Variants in HDAC9 observed in about 807,000 individuals in gnomAD.
The protein encoded by HDAC9 is MEF-2 interacting transcription repressor (MITR) protein.
A neutral mutation model predicts 139.4 loss-of-function variants in HDAC9; 41 were observed. That is an observed-to-expected ratio of 0.29 (90% CI 0.23 to 0.38). The LOEUF (loss-of-function observed/expected upper bound fraction) is 0.38. HDAC9 is among the 10% of genes least tolerant of loss of function. The probability of loss-of-function intolerance (pLI) is 1.00; values close to 1 mark genes in which losing one functional copy is unlikely to be tolerated. For synonymous variants in HDAC9, 517 were observed against 476.2 expected (o/e 1.09, Z -1.12); for missense variants, 1,147 against 1,297.0 (o/e 0.88, Z 1.78).
intron 1 of HDAC9, among the ~76,000 whole-genome samples, chr7:18,300,640 C>T (rs902102262): frequency 2.0e-5 from 3 of 152,010 alleles, no homozygotes; most frequent in Admixed American, 6.6e-5. Flanking sequence ...AATTATCTTC[C>T]CAGTTAAATA....
chr7:18,758,443 T>C (rs1430055662), intron 14 of HDAC9, among the ~76,000 whole-genome samples: 1 of 152,038 alleles, frequency 6.6e-6, no homozygotes, highest in Non-Finnish European at 1.5e-5. Flanking sequence ...AATGAAAGAA[T>C]AAAGGGTGCG....
chr7:18,899,558 A>G (rs1801509615), intron 22 of HDAC9: 1 of 152,038 alleles, frequency 6.6e-6, no homozygotes, highest in Non-Finnish European at 1.5e-5. Flanking sequence ...TACAGATTTT[A>G]ATCATTTGGT....
At chr7:18,329,604 G>C (rs1009617823) in intron 1 of HDAC9, among the ~76,000 whole-genome samples, 1 of 150,692 alleles carries the variant, frequency 6.6e-6, no homozygotes, top group Admixed American at 6.6e-5. Flanking sequence ...TTCAATGTTT[G>C]ATGATACTGG....
chr7:18,407,692 GCAC>G (rs1225841944), intron 1 of HDAC9, among the ~76,000 whole-genome samples: 2 of 152,144 alleles, frequency 1.3e-5, no homozygotes, highest in African/African-American at 2.4e-5. Context: ...GCACTAGGAT[GCAC>G]CATTCGATAG....
Position 18,874,628 on chromosome 7 carries a change from C to T in HDAC9, c.2803+32C>T, listed in dbSNP as rs2286213. ...ACCTCTTTCAGGACTTTACGAAAGGCTCTGATATCATACCATCTTTTAGGT... is the reference window on the plus strand; with the variant it reads ...ACCTCTTTCAGGACTTTACGAAAGGTTCTGATATCATACCATCTTTTAGGT... On this transcript the variant is annotated intron_variant, in intron 22 of 25. Transcript: ENST00000686413. 8.7e-6 allele frequency: 11 copies of T among 1,259,040 alleles called. No homozygotes were observed. The Middle Eastern group carries it at 5.6e-4, about 64-fold the overall frequency. The allele number at this position is 1,259,040 out of a possible 1,614,324, so 78.0% of individuals were successfully genotyped here. A position where few individuals can be genotyped will look rare whatever the true frequency, so the allele number is the denominator to read the frequency against.
chr7:18,784,517 A>C (rs1387183586), intron 16 of HDAC9, among the ~76,000 whole-genome samples: 1 of 152,076 alleles, frequency 6.6e-6, no homozygotes, highest in African/African-American at 2.4e-5. Context: ...CAAAAAACAA[A>C]AAAAAAACTG....
intron 1 of HDAC9, among the ~76,000 whole-genome samples, chr7:18,409,505 A>G (rs1279303946): frequency 6.6e-6 from 1 of 152,178 alleles, no homozygotes; most frequent in Non-Finnish European, 1.5e-5. Flanking sequence ...GACTGAGTTT[A>G]GAGCACCCTC....
At chr7:18,229,128 C>A (rs1793271045) in intron 2 of HDAC9, among the ~76,000 whole-genome samples, 1 of 152,222 alleles carries the variant, frequency 6.6e-6, no homozygotes, top group African/African-American at 2.4e-5. Context: ...AATAAATTCA[C>A]TTCTAACCTC....
chr7:18,185,119 A>C (rs1196327862), intron 2 of HDAC9, among the ~76,000 whole-genome samples: 1 of 152,112 alleles, frequency 6.6e-6, no homozygotes, highest in Admixed American at 6.5e-5. Flanking sequence ...CTTTCAAAGC[A>C]AGTGATTTTT....
chr7:18,901,970 C>G (rs1273947014), intron 22 of HDAC9, among the ~76,000 whole-genome samples: 1 of 152,102 alleles, frequency 6.6e-6, no homozygotes, highest in Admixed American at 6.5e-5. Flanking sequence ...TTTCAGGAAC[C>G]CTGTAAAGTG....
chr7:18,756,364 A>G (rs1788876369), intron 14 of HDAC9, among the ~76,000 whole-genome samples: 1 of 152,210 alleles, frequency 6.6e-6, no homozygotes, highest in Non-Finnish European at 1.5e-5. Context: ...TATTATTTTG[A>G]AGTTGTCACA....
At chr7:18,726,407 G>A (rs1785550548) in intron 12 of HDAC9, among the ~76,000 whole-genome samples, 1 of 152,158 alleles carries the variant, frequency 6.6e-6, no homozygotes, top group Non-Finnish European at 1.5e-5. Flanking sequence ...AGTAATGTCT[G>A]CCTCAAGTCT....
intron 6 of HDAC9, 23 bp from the exon 7 acceptor site, chr7:18,629,327 T>A: frequency 6.6e-7 from 1 of 1,514,842 alleles, no homozygotes; most frequent in Non-Finnish European, 8.8e-7. Context: ...TATCTATTTT[T>A]TTTTTTTTGT....
chr7:18,381,481 T>G (rs991145023), intron 1 of HDAC9, among the ~76,000 whole-genome samples: 1 of 151,884 alleles, frequency 6.6e-6, no homozygotes, highest in African/African-American at 2.4e-5. Flanking sequence ...TTTCTAAATT[T>G]TGGGATCAAA....
intron 3 of HDAC9, 80 bp downstream of exon 3, chr7:18,585,602 T>C: frequency 6.6e-7 from 1 of 1,511,408 alleles, no homozygotes; most frequent in Non-Finnish European, 9.0e-7. Context: ...TGGGAACACT[T>C]TGCGGGTAGA....
At chr7:18,176,955 G>A (rs1788957945) in intron 2 of HDAC9, among the ~76,000 whole-genome samples, 1 of 152,134 alleles carries the variant, frequency 6.6e-6, no homozygotes, top group South Asian at 2.1e-4. Flanking sequence ...GCCAACTATA[G>A]ATATTGGAAA....
rs780099938 is a variant in HDAC9 at position 18,954,208 on chromosome 7, A to G, written c.3000A>G (p.Leu1000=). ...QSPNMNAVIS[L]QKIIEIQSKY... ...CGAATATGAATGCTGTTATTTCTTT[A>G]CAGAAGATCATTGAAATTCAAAGTA... The change falls in exon 24 of 26, where the codon TTA becomes TTG. Residue 1000 remains leucine, a synonymous_variant. Coordinates refer to ENST00000686413, the MANE Select transcript of HDAC9 (RefSeq NM_178425.4). 2.6e-6 allele frequency: 4 copies of G among 1,544,960 alleles called. No individual in the cohort carries two copies. The highest frequency in any genetic ancestry group is 1.8e-5 in the Admixed American group (1 of 54,992).
At chr7:18,127,342 A>G (rs907758389) in intron 1 of HDAC9, 4 of 170,238 alleles carry the variant, frequency 2.3e-5, no homozygotes, top group African/African-American at 9.6e-5. Flanking sequence ...AGTGGGTGTC[A>G]TGTTTTATTA....
intron 6 of HDAC9, among the ~76,000 whole-genome samples, chr7:18,606,331 A>C (rs1430193002): frequency 6.6e-6 from 1 of 152,228 alleles, no homozygotes; most frequent in Admixed American, 6.5e-5. Flanking sequence ...AATCTGTAAA[A>C]CATTAAAAAT....
Sources: allele counts gnomAD v4.1 joint callset (sites outside exome capture counted in the v4.1 genomes callset), GRCh38; gene constraint gnomAD v4.1.1; transcripts MANE v1.5; gene names NCBI Gene and HGNC (gene_info 2026-07-23, HGNC 2026-07-21).